CUL2: variants seen among roughly 807,000 people sequenced by gnomAD.
CUL2 encodes cullin 2.
Under a neutral mutation model 110.2 loss-of-function variants are expected in CUL2, and 22 were observed. The ratio of observed to expected loss-of-function variants is 0.20; its 90% confidence interval spans 0.14 to 0.28. The LOEUF is 0.28. CUL2 is among the 10% of genes least tolerant of loss of function. The pLI is 1.00. For missense variants in CUL2, 631 were observed against 905.5 expected, an observed-to-expected ratio of 0.70 and a Z score of 3.89; for synonymous variants, 279 against 293.2, an observed-to-expected ratio of 0.95 and a Z score of 0.49.
intron 1 of CUL2, chr10:35,118,695 AT>A (rs2087637237): frequency 7.6e-6 from 1 of 131,518 alleles, no homozygotes; most frequent in Non-Finnish European, 1.7e-5. Flanking sequence ...CTCATTGCTC[AT>A]ACTTATTCCT....
chr10:35,103,237 G>C (rs192087507), intron 1 of CUL2, among the ~76,000 whole-genome samples: 10 of 151,042 alleles, frequency 6.6e-5, no homozygotes, highest in African/African-American at 2.4e-4. Context: ...CAAACTCCTG[G>C]GCTCAAGGGA....
intron 17 of CUL2, among the ~76,000 whole-genome samples, chr10:35,021,315 G>A (rs2085175948): frequency 6.7e-6 from 1 of 150,142 alleles, no homozygotes; most frequent in African/African-American, 2.5e-5. Flanking sequence ...GGAGTGCAGT[G>A]GCGTGATCTC....
At chr10:35,121,735 G>A (rs911273888) in intron 1 of CUL2, among the ~76,000 whole-genome samples, 1 of 151,722 alleles carries the variant, frequency 6.6e-6, no homozygotes, top group Admixed American at 6.6e-5. Context: ...GCTTGAGCCC[G>A]GGAGGTCGAG....
At chr10:35,115,301 C>T (rs1038268125) in intron 1 of CUL2, among the ~76,000 whole-genome samples, 5 of 152,112 alleles carry the variant, frequency 3.3e-5, no homozygotes, top group African/African-American at 4.8e-5. Flanking sequence ...GTGGCTCACA[C>T]CTGTAATCCC....
intron 1 of CUL2, chr10:35,074,060 A>G (rs1564740682): frequency 2.3e-6 from 2 of 875,506 alleles, no homozygotes; most frequent in Non-Finnish European, 3.7e-6. Context: ...CCTCACTAAC[A>G]TGCTTGGTGA....
intron 1 of CUL2, among the ~76,000 whole-genome samples, chr10:35,078,267 A>T (rs1455652239): frequency 6.6e-6 from 1 of 152,128 alleles, no homozygotes. Context: ...AGAAATAAAA[A>T]ATATATATGT....
intron 4 of CUL2, among the ~76,000 whole-genome samples, chr10:35,058,797 T>C (rs1184867265): frequency 6.6e-6 from 1 of 152,216 alleles, no homozygotes; most frequent in South Asian, 2.1e-4. Flanking sequence ...AGAACCTCTT[T>C]GGACAAAACA....
chr10:35,035,299 G>C lies in CUL2; in HGVS notation c.878-3C>G. 6.2e-7 allele frequency: 1 copy of C among 1,613,080 alleles called. No homozygotes were observed. Among genetic ancestry groups the C allele is most frequent in the African/African-American group, 1.3e-5 (1 of 74,986 alleles). On this transcript the variant is annotated splice_polypyrimidine_tract_variant and splice_region_variant and intron_variant, in intron 9 of 20. Transcript: ENST00000374749. ...TAAGACGTACATATTTGCCATGTCT[G>C]AGAGGAAAAAGACATCTGAGGGTTA...
At chr10:35,125,259 C>T (rs1459277463) in intron 1 of CUL2, among the ~76,000 whole-genome samples, 1 of 152,128 alleles carries the variant, frequency 6.6e-6, no homozygotes, top group African/African-American at 2.4e-5. Context: ...ATCTCACCTC[C>T]AGTATTGATC....
chr10:35,044,421 G>T, intron 8 of CUL2, 145 bp downstream of exon 8: 2 of 540,908 alleles, frequency 3.7e-6, no homozygotes, highest in Non-Finnish European at 6.4e-6. Flanking sequence ...TATAATAACT[G>T]TAACTCAGAG....
rs568381861 is a variant in CUL2, at chr10:35,031,271, G to A, written c.1386+29C>T. On this transcript the variant is annotated intron_variant, in intron 14 of 20. Transcript: ENST00000374749. This position sits in a 1 kb window ranked among gnomAD's most constrained non-coding sequence, Gnocchi z 4.4. ...TATGTGCTTGTGAATGAATTTCTAG[G>A]ACAATACCACATTAAAGACTTACAT... is the stretch of plus-strand genomic sequence containing the variant. 1 of 1,387,604 alleles carries A rather than the reference G, an allele frequency of 7.2e-7. No individual in the cohort carries two copies. The highest frequency in any genetic ancestry group is 1.3e-5 in the South Asian group (1 of 78,714). 86.0% of individuals were successfully genotyped at this position (1,387,604 alleles called of 1,614,324 possible). A position where few individuals can be genotyped will look rare whatever the true frequency, so the allele number is the denominator to read the frequency against.
chr10:35,123,103 A>G (rs1408422266), intron 1 of CUL2, among the ~76,000 whole-genome samples: 1 of 152,178 alleles, frequency 6.6e-6, no homozygotes, highest in Non-Finnish European at 1.5e-5. Flanking sequence ...GCACCACTGC[A>G]CTCCAGCCAG....
chr10:35,049,151 T>C (rs968912391), intron 6 of CUL2, among the ~76,000 whole-genome samples: 1 of 152,210 alleles, frequency 6.6e-6, no homozygotes, highest in Non-Finnish European at 1.5e-5. Flanking sequence ...TTGTACTAAA[T>C]TGTATTCACA....
rs117819306 is a variant in CUL2, at chr10:35,031,865, G to A, written c.1171-246C>T. 8.4e-4 allele frequency among the ~76,000 whole-genome samples: 128 copies of A among 152,232 alleles called. 1 individual carries two copies. In the East Asian group the frequency reaches 0.024, roughly 28 times the overall value. Reference sequence around the variant, plus strand: ...GCCTCCCAAGTAGTTGGGACTACAGGCATGCACAACCACACCAGGCTTCTA... The same window carrying A: ...GCCTCCCAAGTAGTTGGGACTACAGACATGCACAACCACACCAGGCTTCTA... On this transcript the variant is annotated intron_variant, in intron 12 of 20. Transcript: ENST00000374749. The surrounding 1 kb of genome is among the most constrained non-coding windows in gnomAD (Gnocchi z 4.4).
intron 1 of CUL2, among the ~76,000 whole-genome samples, chr10:35,088,334 C>A (rs566385649): frequency 6.6e-6 from 1 of 151,806 alleles, no homozygotes; most frequent in Non-Finnish European, 1.5e-5. Context: ...ATGTTGAAAC[C>A]CAGTCTCTAC....
chr10:35,096,780 A>G (rs1447577570), intron 2 of CUL2, among the ~76,000 whole-genome samples: 1 of 151,182 alleles, frequency 6.6e-6, no homozygotes, highest in Non-Finnish European at 1.5e-5. Context: ...TTAGGTTTTT[A>G]GTAGTAGAAA....
intron 6 of CUL2, among the ~76,000 whole-genome samples, chr10:35,046,726 T>C (rs1386079700): frequency 9.2e-5 from 14 of 152,086 alleles, no homozygotes; most frequent in Non-Finnish European, 2.1e-4. Context: ...ATCCAGTCTC[T>C]ACTAAAAATA....
intron 6 of CUL2, 93 bp from the exon 7 acceptor site, chr10:35,044,961 T>C (rs1788015916): frequency 8.4e-6 from 7 of 829,080 alleles, no homozygotes; most frequent in Non-Finnish European, 9.9e-6. Flanking sequence ...CCTTATTCTA[T>C]TGGTCTAATC....
chr10:35,109,481 TA>T (rs1198136981), intron 1 of CUL2, among the ~76,000 whole-genome samples: 2 of 152,334 alleles, frequency 1.3e-5, no homozygotes, highest in Non-Finnish European at 2.9e-5. Context: ...ATGACAAAGA[TA>T]ATTTTGTCTA....
Sources: gnomAD v4.1 joint callset for allele counts (sites outside exome capture counted in the v4.1 genomes callset) on GRCh38, gnomAD v4.1.1 for gene constraint, Gnocchi (gnomAD v3.1) non-coding constraint, MANE v1.5 for transcripts, NCBI Gene and HGNC (gene_info 2026-07-23, HGNC 2026-07-21) for gene names.